The following ROBO1 variants were observed in gnomAD, a reference collection of about 807,000 sequenced individuals.
The protein encoded by ROBO1 is roundabout guidance receptor 1, also known as roundabout homolog 1.
ROBO1 carries 149 observed loss-of-function variants against 195.9 expected under a neutral mutation model. The observed-to-expected ratio is 0.76, with a 90% CI of 0.67 to 0.87. ROBO1 has a LOEUF of 0.87. ROBO1 is among the 40% of genes least tolerant of loss of function. The probability of loss-of-function intolerance (pLI) is 0.00; values close to 1 mark genes in which losing one functional copy is unlikely to be tolerated. For missense variants in ROBO1, 1,933 were observed against 2,068.3 expected, an observed-to-expected ratio of 0.93 and a Z score of 1.27; for synonymous variants, 816 against 733.2, an observed-to-expected ratio of 1.11 and a Z score of -1.82.
intron 2 of ROBO1, among the ~76,000 whole-genome samples, chr3:79,309,153 G>C (rs1576955446): frequency 6.6e-6 from 1 of 152,104 alleles, no homozygotes; most frequent in Non-Finnish European, 1.5e-5. Flanking sequence ...ATACCTACTG[G>C]GTTATATGAT....
At chr3:79,242,201 A>G (rs1232658292) in intron 2 of ROBO1, among the ~76,000 whole-genome samples, 1 of 152,034 alleles carries the variant, frequency 6.6e-6, no homozygotes, top group East Asian at 1.9e-4. Flanking sequence ...AAATAAGATA[A>G]AAGGAGCCTG....
intron 3 of ROBO1, among the ~76,000 whole-genome samples, chr3:79,041,293 A>T (rs1053229904): frequency 6.6e-6 from 1 of 151,998 alleles, no homozygotes; most frequent in African/African-American, 2.4e-5. Context: ...TTTCATTTGT[A>T]AAGTGAAATC....
At chr3:78,860,505 G>A (rs1186042018) in intron 4 of ROBO1, among the ~76,000 whole-genome samples, 1 of 151,402 alleles carries the variant, frequency 6.6e-6, no homozygotes, top group Non-Finnish European at 1.5e-5. Context: ...TAAGAGAGAT[G>A]ACCAAAACAA....
intron 3 of ROBO1, among the ~76,000 whole-genome samples, chr3:79,006,909 G>A (rs2077637248): frequency 6.6e-6 from 1 of 152,158 alleles, no homozygotes; most frequent in African/African-American, 2.4e-5. Context: ...CAGAAAAGTA[G>A]GACATCCCAG....
intron 4 of ROBO1, among the ~76,000 whole-genome samples, chr3:78,929,666 C>T (rs1346681520): frequency 6.6e-6 from 1 of 151,764 alleles, no homozygotes; most frequent in Non-Finnish European, 1.5e-5. Flanking sequence ...CCACGCCCGG[C>T]TAATTTTTGT....
At chr3:78,651,641 G>T in intron 19 of ROBO1, 91 bp downstream of exon 19, 2 of 1,041,486 alleles carry the variant, frequency 1.9e-6, no homozygotes, top group Non-Finnish European at 2.7e-6. Flanking sequence ...AGTTTTAGAG[G>T]ATATGCATAA....
At chr3:79,277,631 G>T (rs1363005396) in intron 2 of ROBO1, among the ~76,000 whole-genome samples, 1 of 151,938 alleles carries the variant, frequency 6.6e-6, no homozygotes, top group Admixed American at 6.6e-5. Flanking sequence ...TAATTGGATT[G>T]TTTATAACAC....
chr3:79,436,351 T>G (rs1012855901), intron 2 of ROBO1, among the ~76,000 whole-genome samples: 1 of 69,964 alleles, frequency 1.4e-5, no homozygotes, highest in African/African-American at 3.1e-5. Flanking sequence ...TGATTTGTAT[T>G]TTTTTTTTGT....
intron 2 of ROBO1, among the ~76,000 whole-genome samples, chr3:79,582,132 A>G (rs1303382921): frequency 5.3e-5 from 8 of 151,828 alleles, no homozygotes; most frequent in Non-Finnish European, 1.5e-5. Context: ...TTAAAATCAA[A>G]AAGAAATCCT....
chr3:79,609,802 T>C (rs920643239), intron 1 of ROBO1, among the ~76,000 whole-genome samples: 21 of 151,446 alleles, frequency 1.4e-4, no homozygotes, highest in African/African-American at 4.1e-4. Flanking sequence ...ATAGTCAAAT[T>C]TGTAGAGATG....
chr3:79,222,398 A>T (rs1389114591), intron 2 of ROBO1, among the ~76,000 whole-genome samples: 1 of 152,066 alleles, frequency 6.6e-6, no homozygotes, highest in African/African-American at 2.4e-5. Flanking sequence ...ACAATTAGTA[A>T]ATATTATTAT....
intron 1 of ROBO1, among the ~76,000 whole-genome samples, chr3:79,721,211 C>T (rs1295854816): frequency 6.6e-6 from 1 of 152,142 alleles, no homozygotes; most frequent in Non-Finnish European, 1.5e-5. Flanking sequence ...AAGTGAAGAA[C>T]CCCTGTGCCA....
chr3:78,602,375 T>A (rs1475766689), intron 29 of ROBO1, among the ~76,000 whole-genome samples: 2 of 152,066 alleles, frequency 1.3e-5, no homozygotes, highest in African/African-American at 4.8e-5. Context: ...CTTCCTGAGG[T>A]CTCCTCAGAA....
intron 8 of ROBO1, among the ~76,000 whole-genome samples, chr3:78,703,080 G>T (rs886291686): frequency 1.3e-5 from 2 of 151,722 alleles, no homozygotes; most frequent in Non-Finnish European, 2.9e-5. Context: ...ATCTTTTTTC[G>T]TCGATGAAAG....
chr3:79,645,214 A>C (rs1945782971), intron 1 of ROBO1, among the ~76,000 whole-genome samples: 1 of 152,090 alleles, frequency 6.6e-6, no homozygotes, highest in Non-Finnish European at 1.5e-5. Context: ...TAACAATCAG[A>C]GTAGAGGCTG....
intron 10 of ROBO1, among the ~76,000 whole-genome samples, chr3:78,682,487 G>A (rs2080942972): frequency 7.5e-6 from 1 of 133,980 alleles, no homozygotes; most frequent in Non-Finnish European, 1.6e-5. Context: ...GTGTATATAT[G>A]TGTATATGTA....
intron 2 of ROBO1, among the ~76,000 whole-genome samples, chr3:79,519,211 G>C (rs1270709942): frequency 1.3e-5 from 2 of 152,100 alleles, no homozygotes; most frequent in Non-Finnish European, 2.9e-5. Context: ...AGATCTTTAA[G>C]AAACTCTCAA....
intron 1 of ROBO1, among the ~76,000 whole-genome samples, chr3:79,628,237 A>T (rs1196017558): frequency 4.6e-5 from 7 of 152,196 alleles, no homozygotes; most frequent in Non-Finnish European, 4.4e-5. Flanking sequence ...ACAAACCCAA[A>T]TGCCCATCAA....
chr3:79,167,228 A>G (rs1559707424), intron 2 of ROBO1, among the ~76,000 whole-genome samples: 1 of 148,446 alleles, frequency 6.7e-6, no homozygotes, highest in Non-Finnish European at 1.5e-5. Context: ...ATCTAAACTC[A>G]CGCTAGTAAA....
Sources: allele counts gnomAD v4.1 joint callset (sites outside exome capture counted in the v4.1 genomes callset), GRCh38; gene constraint gnomAD v4.1.1; transcripts MANE v1.5; gene names NCBI Gene and HGNC (gene_info 2026-07-23, HGNC 2026-07-21).